ADAMTS17: variants seen among roughly 807,000 people sequenced by gnomAD.
ADAMTS17 encodes the protein ADAM metallopeptidase with thrombospondin type 1 motif 17.
ADAMTS17 carries 113 observed loss-of-function variants against 141.5 expected under a neutral mutation model. That is an observed-to-expected ratio of 0.80 (90% CI 0.69 to 0.93). The LOEUF (loss-of-function observed/expected upper bound fraction) is 0.93. Ranked by LOEUF, ADAMTS17 falls within the 40% of genes least tolerant of loss-of-function variation. ADAMTS17 has a pLI of 0.00. For synonymous variants in ADAMTS17, 768 were observed against 630.6 expected, an observed-to-expected ratio of 1.22 and a Z score of -3.27; for missense variants, 1,659 against 1,517.9, an observed-to-expected ratio of 1.09 and a Z score of -1.54.
At chr15:100,162,469 CATT>C (rs1451694140) in intron 8 of ADAMTS17, among the ~76,000 whole-genome samples, 54 of 130,100 alleles carry the variant, frequency 4.2e-4, no homozygotes, top group African/African-American at 1.4e-3. Context: ...CACATATACA[CATT>C]ATATGTGTAT....
intron 14 of ADAMTS17, among the ~76,000 whole-genome samples, chr15:100,101,531 G>A (rs1427195494): frequency 1.3e-5 from 2 of 152,338 alleles, no homozygotes; most frequent in South Asian, 2.1e-4. Context: ...GCCTCTGGTC[G>A]TTGGGTTTCC....
At chr15:100,156,759 C>T (rs889709446) in intron 8 of ADAMTS17, among the ~76,000 whole-genome samples, 1 of 152,168 alleles carries the variant, frequency 6.6e-6, no homozygotes, top group Non-Finnish European at 1.5e-5. Flanking sequence ...ATGAATAAAT[C>T]ATAAAAATCT....
intron 14 of ADAMTS17, among the ~76,000 whole-genome samples, chr15:100,108,780 C>A (rs551936225): frequency 6.6e-6 from 1 of 152,348 alleles, no homozygotes; most frequent in South Asian, 2.1e-4. Flanking sequence ...TCCACCTCCA[C>A]TCCTTGTTGG....
intron 3 of ADAMTS17, among the ~76,000 whole-genome samples, chr15:100,312,516 A>G (rs2141865371): frequency 6.6e-6 from 1 of 152,360 alleles, no homozygotes; most frequent in South Asian, 2.1e-4. Flanking sequence ...ATTTTACAAC[A>G]CTAAGTTTGT....
At chr15:100,131,254 G>A (rs1596513438) in intron 12 of ADAMTS17, among the ~76,000 whole-genome samples, 1 of 150,738 alleles carries the variant, frequency 6.6e-6, no homozygotes, top group African/African-American at 2.4e-5. Flanking sequence ...AGCATTAGGA[G>A]AAATACCTAA....
At chr15:100,285,433 CTTTAG>C (rs1235654823) in intron 3 of ADAMTS17, among the ~76,000 whole-genome samples, 1 of 152,178 alleles carries the variant, frequency 6.6e-6, no homozygotes, top group Admixed American at 6.5e-5. Context: ...AACAGATACT[CTTTAG>C]TTTAGAAAGG....
At chr15:100,078,395 G>C (rs530512931) in intron 15 of ADAMTS17, among the ~76,000 whole-genome samples, 2 of 151,902 alleles carry the variant, frequency 1.3e-5, no homozygotes, top group African/African-American at 4.8e-5. Flanking sequence ...AAGGACAGTC[G>C]TTTCTAACAA....
At chr15:100,124,880 C>A (rs74037401) in intron 12 of ADAMTS17, among the ~76,000 whole-genome samples, 2,891 of 152,212 alleles carry the variant, frequency 0.019, 99 homozygotes, top group African/African-American at 0.064. Flanking sequence ...AGACACAAGC[C>A]CAGAGCAGAG....
At chr15:100,171,975 A>C (rs1480293779) in intron 8 of ADAMTS17, among the ~76,000 whole-genome samples, 18 of 152,186 alleles carry the variant, frequency 1.2e-4, no homozygotes, top group Non-Finnish European at 5.9e-5. Flanking sequence ...TCTGAAAAGC[A>C]CATAAGAAAT....
intron 8 of ADAMTS17, among the ~76,000 whole-genome samples, chr15:100,161,164 T>G (rs545040340): frequency 4.6e-5 from 7 of 152,294 alleles, no homozygotes; most frequent in Admixed American, 4.6e-4. Context: ...TGCTGCTCTG[T>G]ATTTGTTTTG....
chr15:100,231,068 C>T (rs1015097999), intron 7 of ADAMTS17, among the ~76,000 whole-genome samples: 10 of 152,192 alleles, frequency 6.6e-5, no homozygotes, highest in South Asian at 6.2e-4. Context: ...ACAGAGAGAG[C>T]GCCTGCACAT....
At chr15:100,274,629 A>G (rs2044019364) in intron 4 of ADAMTS17, among the ~76,000 whole-genome samples, 1 of 152,122 alleles carries the variant, frequency 6.6e-6, no homozygotes, top group African/African-American at 2.4e-5. Flanking sequence ...TCTGCCATCA[A>G]TTTCTGTCTT....
chr15:100,338,361 C>T (rs77690521), intron 2 of ADAMTS17, among the ~76,000 whole-genome samples: 2,783 of 152,298 alleles, frequency 0.018, 28 homozygotes, highest in South Asian at 0.028. Context: ...TGGAATAGAA[C>T]GTGTGTGCCC....
rs563938783 is a variant in ADAMTS17 at position 99,997,544 on chromosome 15, T to C, written c.2637A>G (p.Lys879=). 238 of 1,613,590 alleles carry C rather than the reference T, an allele frequency of 1.5e-4. No individual in the cohort carries two copies. Among genetic ancestry groups the C allele is most frequent in the Non-Finnish European group, 1.9e-4 (219 of 1,180,016 alleles). ...PWSPCSATCE[K]GFQHREVTCV... is the part of the protein sequence containing the mutation. ...AGGTCACCTCCCGGTGCTGGAAGCC[T>C]TTCTCACAGGTCGCCGAGCAGGGGC... The change falls in exon 19 of 22, where the codon AAA becomes AAG. Residue 879 remains lysine (K), a synonymous_variant. Transcript: ENST00000268070. The surrounding 1 kb of genome is among the most constrained non-coding windows in gnomAD (Gnocchi z 4.7).
At chr15:100,077,280 C>CAA (rs1567134441) in intron 15 of ADAMTS17, among the ~76,000 whole-genome samples, 1 of 56,562 alleles carries the variant, frequency 1.8e-5, no homozygotes, top group Non-Finnish European at 3.1e-5. Flanking sequence ...CCTATCTCTA[C>CAA]CACAAAAAAA....
At chr15:100,124,498 G>A (rs187796151) in intron 12 of ADAMTS17, among the ~76,000 whole-genome samples, 47 of 152,282 alleles carry the variant, frequency 3.1e-4, no homozygotes, top group African/African-American at 1.1e-3. Flanking sequence ...GAGGACATGG[G>A]GCAAGTAGAA....
Position 99,974,432 on chromosome 15 carries a change from G to T in ADAMTS17, c.3258C>A (p.Asn1086Lys). The T allele has an allele frequency of 1.2e-6, 2 of 1,614,212 alleles. No individual in the cohort carries two copies. The highest frequency in any genetic ancestry group is 8.5e-7 in the Non-Finnish European group (1 of 1,180,048). The change falls in exon 22 of 22, where the codon AAC (asparagine) becomes AAA (lysine). Residue 1086 changes from asparagine to lysine, a missense_variant. Coordinates refer to ENST00000268070, the MANE Select transcript of ADAMTS17 (RefSeq NM_139057.4). ...AGTTCGGCGGTGGCTGGCGCATCTT[G>T]TTTGCATAGAAGTCCCTGCAGGTCT... ...CCQTCRDFYA[N>K]KMRQPPPNS
In ADAMTS17 at chr15:100,193,756, G is replaced by T. The variant is rs186341339; in HGVS notation, c.1181+5562C>A. ...CAAGACAGTGTTTTCCAGAGGCCACGGGCTGAGCCTCCCCACTACAGGAGA... is the reference window on the plus strand; with the variant it reads ...CAAGACAGTGTTTTCCAGAGGCCACTGGCTGAGCCTCCCCACTACAGGAGA... On this transcript the variant is annotated intron_variant, in intron 8 of 21. Coordinates refer to ENST00000268070, the MANE Select transcript of ADAMTS17 (RefSeq NM_139057.4). 2.7e-3 allele frequency among the ~76,000 whole-genome samples: 414 copies of T among 152,310 alleles called. 1 individual carries two copies. The highest frequency in any genetic ancestry group is 9.6e-3 in the African/African-American group (400 of 41,562).
At chr15:100,269,224 G>T (rs2043821040) in intron 4 of ADAMTS17, among the ~76,000 whole-genome samples, 1 of 152,148 alleles carries the variant, frequency 6.6e-6, no homozygotes, top group Admixed American at 6.5e-5. Flanking sequence ...CTTGGTAAAG[G>T]ATTCATGACT....
Sources: allele counts gnomAD v4.1 joint callset (sites outside exome capture counted in the v4.1 genomes callset), GRCh38; gene constraint gnomAD v4.1.1; non-coding constraint Gnocchi (gnomAD v3.1); transcripts MANE v1.5; gene names NCBI Gene and HGNC (gene_info 2026-07-23, HGNC 2026-07-21).